Variants in NEDD9 observed in about 807,000 individuals in gnomAD.
The protein encoded by NEDD9 is neural precursor cell expressed, developmentally down-regulated 9.
NEDD9 carries 26 observed loss-of-function variants against 76.6 expected under a neutral mutation model. The ratio of observed to expected loss-of-function variants is 0.34; its 90% CI spans 0.25 to 0.47. The LOEUF is 0.47. Among genes scored for constraint, NEDD9 ranks in the 20% least tolerant of loss-of-function variants. NEDD9 has a pLI of 1.00. For synonymous variants in NEDD9, 392 were observed against 414.2 expected (o/e 0.95, Z 0.65); for missense variants, 937 against 1,058.5 (o/e 0.89, Z 1.59).
intron 1 of NEDD9, among the ~76,000 whole-genome samples, chr6:11,340,589 A>G (rs1420088670): frequency 6.6e-6 from 1 of 152,206 alleles, no homozygotes; most frequent in Admixed American, 6.5e-5. Context: ...CACACAGCCA[A>G]TCAGACTTCA....
upstream of NEDD9, among the ~76,000 whole-genome samples, chr6:11,233,013 C>T (rs947005416): frequency 6.6e-6 from 1 of 152,094 alleles, no homozygotes; most frequent in East Asian, 1.9e-4. Context: ...CTTCCTGTGA[C>T]CTAGCAACTC....
intron 1 of NEDD9, among the ~76,000 whole-genome samples, chr6:11,357,308 C>A (rs1487496199): frequency 6.6e-6 from 1 of 152,170 alleles, no homozygotes; most frequent in East Asian, 1.9e-4. Flanking sequence ...CACCCGCATC[C>A]TTTGGCTTGT....
chr6:11,262,939 A>G (rs1291255228), intron 3 of NEDD9, among the ~76,000 whole-genome samples: 1 of 152,256 alleles, frequency 6.6e-6, no homozygotes, highest in Non-Finnish European at 1.5e-5. Context: ...ATTGTCTTAT[A>G]GAAAATGAGT....
chr6:11,201,744 AT>A (rs1758463133), intron 2 of NEDD9, among the ~76,000 whole-genome samples: 1 of 152,248 alleles, frequency 6.6e-6, no homozygotes, highest in South Asian at 2.1e-4. Flanking sequence ...ATTTTAAAAG[AT>A]AATAAGAAAT....
intron 2 of NEDD9, among the ~76,000 whole-genome samples, chr6:11,196,550 C>T (rs954235910): frequency 6.6e-6 from 1 of 152,154 alleles, no homozygotes; most frequent in Non-Finnish European, 1.5e-5. Context: ...CCCCAACTTG[C>T]TCTCTCTTTC....
At chr6:11,226,133 G>C (rs1301236644) in intron 1 of NEDD9, among the ~76,000 whole-genome samples, 1 of 152,174 alleles carries the variant, frequency 6.6e-6, no homozygotes, top group African/African-American at 2.4e-5. Context: ...TCCTTTGCAG[G>C]CTGTCATGTT....
intron 3 of NEDD9, among the ~76,000 whole-genome samples, chr6:11,266,136 T>C (rs1476496176): frequency 6.6e-6 from 1 of 152,218 alleles, no homozygotes; most frequent in East Asian, 1.9e-4. Context: ...TTGTCCTCAG[T>C]GCAATCTATG....
intron 2 of NEDD9, among the ~76,000 whole-genome samples, chr6:11,325,857 T>C (rs906967602): frequency 6.6e-6 from 1 of 152,028 alleles, no homozygotes; most frequent in African/African-American, 2.4e-5. Flanking sequence ...TTTTAACAAG[T>C]TTCTTGGCTG....
intron 2 of NEDD9, among the ~76,000 whole-genome samples, chr6:11,195,161 C>T (rs531041888): frequency 8.5e-5 from 13 of 152,344 alleles, no homozygotes; most frequent in Non-Finnish European, 1.8e-4. Flanking sequence ...AATGCCTTCT[C>T]CCCAGGCGCT....
chr6:11,341,928 AT>A (rs1361546569), intron 1 of NEDD9, among the ~76,000 whole-genome samples: 10 of 152,188 alleles, frequency 6.6e-5, no homozygotes. Flanking sequence ...TATTCAAAAA[AT>A]ATATTAATTA....
At chr6:11,200,294 G>T in intron 2 of NEDD9, 1 of 458,952 alleles carries the variant, frequency 2.2e-6, no homozygotes, top group South Asian at 1.5e-5. Context: ...GAAGACATCA[G>T]GGTTGCCAGA....
chr6:11,358,360 A>G (rs1434166145), intron 1 of NEDD9, among the ~76,000 whole-genome samples: 4 of 151,500 alleles, frequency 2.6e-5, no homozygotes, highest in Non-Finnish European at 2.9e-5. Context: ...AACGCCTGCC[A>G]GTGCAGAACG....
At chr6:11,227,946 C>T (rs1262749217) in intron 1 of NEDD9, among the ~76,000 whole-genome samples, 3 of 151,854 alleles carry the variant, frequency 2.0e-5, no homozygotes, top group Admixed American at 6.6e-5. Flanking sequence ...GTCATGTAAA[C>T]GCAAACAGAG....
chr6:11,349,199 C>T (rs1390360975), intron 1 of NEDD9, among the ~76,000 whole-genome samples: 3 of 152,112 alleles, frequency 2.0e-5, no homozygotes, highest in Non-Finnish European at 4.4e-5. Flanking sequence ...TAGAGAAAGG[C>T]ACATCAAAAC....
chr6:11,312,472 T>C (rs1294901584), intron 2 of NEDD9, among the ~76,000 whole-genome samples: 3 of 152,096 alleles, frequency 2.0e-5, no homozygotes, highest in African/African-American at 7.2e-5. Flanking sequence ...CCACTTCCAT[T>C]CTCATCTGGA....
At chr6:11,358,354 C>T (rs1762619709) in intron 1 of NEDD9, among the ~76,000 whole-genome samples, 1 of 152,032 alleles carries the variant, frequency 6.6e-6, no homozygotes, top group South Asian at 2.1e-4. Context: ...TGCAGAAACG[C>T]CTGCCAGTGC....
intron 2 of NEDD9, among the ~76,000 whole-genome samples, chr6:11,326,451 G>C (rs928497943): frequency 6.6e-6 from 1 of 152,164 alleles, no homozygotes; most frequent in Non-Finnish European, 1.5e-5. Context: ...AAGGAAAAGG[G>C]TTTACATTTT....
At chr6:11,311,784 A>G (rs1388380296) in intron 2 of NEDD9, among the ~76,000 whole-genome samples, 1 of 152,160 alleles carries the variant, frequency 6.6e-6, no homozygotes, top group Non-Finnish European at 1.5e-5. Context: ...CGCAGAAGAA[A>G]TTCCAGTTCC....
At chr6:11,325,109 A>T (rs111252308) in intron 2 of NEDD9, among the ~76,000 whole-genome samples, 5,204 of 152,230 alleles carry the variant, frequency 0.034, 313 homozygotes, top group African/African-American at 0.12. Context: ...TAATCCCAGC[A>T]CTTTGGGAGG....
Sources: gnomAD v4.1 joint callset for allele counts (sites outside exome capture counted in the v4.1 genomes callset) on GRCh38, gnomAD v4.1.1 for gene constraint, MANE v1.5 for transcripts, NCBI Gene and HGNC (gene_info 2026-07-23, HGNC 2026-07-21) for gene names.